The following TEX36 variants were observed in gnomAD, a reference collection of about 807,000 sequenced individuals.
TEX36 encodes the protein testis-expressed protein 36.
TEX36 carries 12 observed loss-of-function variants against 13.6 expected under a neutral mutation model. The observed-to-expected ratio is 0.88, with a 90% CI of 0.56 to 1.43. The LOEUF (loss-of-function observed/expected upper bound fraction) is 1.43, where lower values mean the gene tolerates loss of function less well. Among genes scored for constraint, TEX36 ranks in the 40% most tolerant of loss-of-function variants. The pLI is 0.00. For missense variants in TEX36, 224 were observed against 228.3 expected, an observed-to-expected ratio of 0.98 and a Z score of 0.12; for synonymous variants, 93 against 83.0, an observed-to-expected ratio of 1.12 and a Z score of -0.65.
chr10:125,626,067 G>A (rs143698326), intron 3 of TEX36, among the ~76,000 whole-genome samples: 1 of 152,218 alleles, frequency 6.6e-6, no homozygotes, highest in African/African-American at 2.4e-5. Flanking sequence ...AGGTGATAAA[G>A]GTCAGGCCAT....
At chr10:125,627,423 A>C (rs1846501750) in intron 3 of TEX36, among the ~76,000 whole-genome samples, 1 of 152,226 alleles carries the variant, frequency 6.6e-6, no homozygotes, top group South Asian at 2.1e-4. Flanking sequence ...TTTTCTGATC[A>C]ATAAACCATT....
intron 1 of TEX36, among the ~76,000 whole-genome samples, chr10:125,679,789 A>C (rs1847367311): frequency 6.6e-6 from 1 of 152,226 alleles, no homozygotes; most frequent in African/African-American, 2.4e-5. Flanking sequence ...TGGTTCTTCT[A>C]AGTGGGATAG....
intron 1 of TEX36, among the ~76,000 whole-genome samples, chr10:125,678,113 C>T (rs904509065): frequency 2.6e-5 from 4 of 152,200 alleles, no homozygotes; most frequent in Non-Finnish European, 4.4e-5. Context: ...TCTGTCCTTA[C>T]ATTGCTATCT....
chr10:125,644,168 A>G (rs557654129), intron 3 of TEX36, among the ~76,000 whole-genome samples: 42 of 152,334 alleles, frequency 2.8e-4, no homozygotes, highest in African/African-American at 9.9e-4. Flanking sequence ...GTTACAAGAA[A>G]ACCTCTACAG....
intron 3 of TEX36, among the ~76,000 whole-genome samples, chr10:125,612,589 T>C (rs1846304203): frequency 6.6e-6 from 1 of 152,224 alleles, no homozygotes; most frequent in Non-Finnish European, 1.5e-5. Context: ...TCCAGTCTTT[T>C]TGTGAGTTTG....
chr10:125,614,351 T>C (rs929787405), intron 3 of TEX36, among the ~76,000 whole-genome samples: 1 of 152,208 alleles, frequency 6.6e-6, no homozygotes, highest in Non-Finnish European at 1.5e-5. Flanking sequence ...CATGAAGTCC[T>C]TGCCCATGCC....
At chr10:125,638,675 C>T (rs768757988) in intron 3 of TEX36, among the ~76,000 whole-genome samples, 1 of 152,228 alleles carries the variant, frequency 6.6e-6, no homozygotes, top group Non-Finnish European at 1.5e-5. Flanking sequence ...GCTAAGCCAC[C>T]GTGCCCAGCT....
chr10:125,608,698 G>A (rs1846247990), intron 3 of TEX36, among the ~76,000 whole-genome samples: 1 of 152,130 alleles, frequency 6.6e-6, no homozygotes, highest in East Asian at 1.9e-4. Flanking sequence ...GCCAGCACTA[G>A]GGATGCAGAA....
chr10:125,628,150 T>C (rs918576097), intron 3 of TEX36, among the ~76,000 whole-genome samples: 1 of 152,234 alleles, frequency 6.6e-6, no homozygotes, highest in East Asian at 1.9e-4. Flanking sequence ...AAGTGTGGTG[T>C]TGTAGAATTC....
chr10:125,614,641 A>G (rs1469630400), intron 3 of TEX36, among the ~76,000 whole-genome samples: 3 of 151,966 alleles, frequency 2.0e-5, no homozygotes, highest in Non-Finnish European at 4.4e-5. Context: ...ATTGATCTAT[A>G]TCTCTGTTTT....
chr10:125,610,964 C>G (rs1251127621), intron 3 of TEX36, among the ~76,000 whole-genome samples: 2 of 152,290 alleles, frequency 1.3e-5, no homozygotes, highest in African/African-American at 2.4e-5. Flanking sequence ...TAGGTGCTAT[C>G]TTACGTTTCC....
chr10:125,602,715 G>T (rs60879526), intron 3 of TEX36, among the ~76,000 whole-genome samples: 11 of 152,180 alleles, frequency 7.2e-5, no homozygotes, highest in Admixed American at 7.2e-4. Context: ...AAAGGTGAAG[G>T]TACAGAATAA....
At chr10:125,583,238 A>G (rs1845904284) in intron 3 of TEX36, among the ~76,000 whole-genome samples, 1 of 151,780 alleles carries the variant, frequency 6.6e-6, no homozygotes, top group African/African-American at 2.4e-5. Flanking sequence ...GTCTTAGTTC[A>G]TTTGTGCTGC....
In TEX36 at chr10:125,661,839, G is replaced by T; in HGVS notation, c.183+7C>A. 1 of 1,551,756 alleles carries T rather than the reference G, an allele frequency of 6.4e-7. No homozygotes were observed. The highest frequency in any genetic ancestry group is 1.2e-5 in the South Asian group (1 of 84,060). ...GCACATGGCAGTGGCCAGTGTTCAG[G>T]ACTCACCTTCTCCCGGACTTTGTAT... On this transcript the variant is annotated splice_region_variant and intron_variant, in intron 2 of 3. Coordinates refer to ENST00000368821, the MANE Select transcript of TEX36 (RefSeq NM_001128202.3).
Position 125,580,690 on chromosome 10 carries a change from G to A in TEX36, c.265-3816C>T, listed in dbSNP as rs560623606. ...CTGGTCAAAGTCCAATGACCAGAAA[G>A]GGTGCAAGCTTCTACTGACCTCAGC... On this transcript the variant is annotated intron_variant, in intron 3 of 3. Transcript: ENST00000532135. Among the ~76,000 whole-genome samples, 262 of 152,296 alleles carry A rather than the reference G, an allele frequency of 1.7e-3. 1 individual carries two copies. The highest frequency in any genetic ancestry group is 6.1e-3 in the African/African-American group (255 of 41,552).
intron 3 of TEX36, among the ~76,000 whole-genome samples, chr10:125,609,220 G>C (rs1174144177): frequency 6.6e-6 from 1 of 152,002 alleles, no homozygotes; most frequent in Non-Finnish European, 1.5e-5. Flanking sequence ...GGAGAGGTGG[G>C]AGAGGGAACA....
intron 1 of TEX36, among the ~76,000 whole-genome samples, chr10:125,679,542 T>C (rs9422803): frequency 0.049 from 7,419 of 152,234 alleles, 493 homozygotes; most frequent in African/African-American, 0.14. Flanking sequence ...AAGTTCTCCA[T>C]GGCCAGAGTT....
intron 3 of TEX36, among the ~76,000 whole-genome samples, chr10:125,585,522 T>C (rs904021439): frequency 1.3e-5 from 2 of 152,038 alleles, no homozygotes; most frequent in Non-Finnish European, 2.9e-5. Context: ...AAACTAGAAC[T>C]CCTCTACCCC....
At chr10:125,593,617 T>C (rs1307568022) in intron 3 of TEX36, among the ~76,000 whole-genome samples, 1 of 152,232 alleles carries the variant, frequency 6.6e-6, no homozygotes, top group Admixed American at 6.5e-5. Flanking sequence ...AGGTTAGCTC[T>C]TATTAAATGT....
Sources: allele counts gnomAD v4.1 joint callset (sites outside exome capture counted in the v4.1 genomes callset), GRCh38; gene constraint gnomAD v4.1.1; transcripts MANE v1.5; gene names NCBI Gene and HGNC (gene_info 2026-07-23, HGNC 2026-07-21).